Variants in MAML3 observed in about 807,000 individuals in gnomAD.
MAML3 encodes mastermind like transcriptional coactivator 3.
MAML3 carries 27 observed loss-of-function variants against 101.9 expected under a neutral mutation model. The observed-to-expected ratio is 0.27, with a 90% CI of 0.20 to 0.37. The LOEUF (loss-of-function observed/expected upper bound fraction) is 0.37. Among genes scored for constraint, MAML3 ranks in the 10% least tolerant of loss-of-function variants. MAML3 has a pLI of 1.00. For synonymous variants in MAML3, 501 were observed against 555.9 expected, an observed-to-expected ratio of 0.90 and a Z score of 1.39; for missense variants, 1,316 against 1,444.9, an observed-to-expected ratio of 0.91 and a Z score of 1.45.
chr4:139,720,930 C>T (rs1320018476), intron 4 of MAML3, among the ~76,000 whole-genome samples: 1 of 152,110 alleles, frequency 6.6e-6, no homozygotes, highest in Non-Finnish European at 1.5e-5. Flanking sequence ...GGTTAAAGGC[C>T]ACTGCTTCTG....
intron 1 of MAML3, among the ~76,000 whole-genome samples, chr4:140,136,817 CA>C (rs1216121051): frequency 6.6e-6 from 1 of 152,146 alleles, no homozygotes; most frequent in Admixed American, 6.5e-5. Context: ...AAAGATTCCT[CA>C]AAAAATGATA....
chr4:140,120,119 C>G (rs1049024370), intron 1 of MAML3, among the ~76,000 whole-genome samples: 1 of 151,776 alleles, frequency 6.6e-6, no homozygotes, highest in East Asian at 2.0e-4. Flanking sequence ...CGCCTGTAGT[C>G]CCAGCTACTC....
chr4:139,736,430 C>T (rs575826352), intron 2 of MAML3, among the ~76,000 whole-genome samples: 1 of 152,188 alleles, frequency 6.6e-6, no homozygotes, highest in African/African-American at 2.4e-5. Context: ...GATGGCTAGA[C>T]AGAGGCGCCT....
intron 1 of MAML3, among the ~76,000 whole-genome samples, chr4:140,112,865 T>C (rs1420312250): frequency 2.0e-5 from 3 of 152,240 alleles, no homozygotes; most frequent in African/African-American, 7.2e-5. Flanking sequence ...AGAGAAAATA[T>C]TGCTATTTGT....
At chr4:139,830,657 G>A (rs983080874) in intron 2 of MAML3, among the ~76,000 whole-genome samples, 26 of 151,782 alleles carry the variant, frequency 1.7e-4, no homozygotes, top group Non-Finnish European at 3.7e-4. Context: ...CTCGTGATCC[G>A]CCCGCCTCGG....
chr4:139,866,771 C>T (rs1268138987), intron 2 of MAML3, among the ~76,000 whole-genome samples: 3 of 152,100 alleles, frequency 2.0e-5, no homozygotes, highest in African/African-American at 7.2e-5. Flanking sequence ...CAGTTTGACG[C>T]TAATGATTTG....
At chr4:140,118,309 C>A (rs564475626) in intron 1 of MAML3, among the ~76,000 whole-genome samples, 74 of 152,138 alleles carry the variant, frequency 4.9e-4, no homozygotes, top group African/African-American at 1.7e-3. Context: ...AGCCTCTCTG[C>A]GCCTCAGTTT....
At chr4:140,147,038 C>A (rs1344392515) in intron 1 of MAML3, among the ~76,000 whole-genome samples, 5 of 146,060 alleles carry the variant, frequency 3.4e-5, no homozygotes, top group Admixed American at 7.2e-5. Flanking sequence ...GAGGCTGAGG[C>A]AGGGGAATCA....
rs1729216437 is a variant in MAML3, at chr4:140,153,486, G to A, written c.-159C>T. ...ATCCCGACGGGGCGAAAAAAACGGG[G>A]GGGGAGATTTTGGGGTGGTTTTTGT... is the stretch of plus-strand genomic sequence containing the variant. On this transcript the variant is annotated 5_prime_UTR_variant, in exon 1 of 5. Coordinates refer to ENST00000509479, the MANE Select transcript of MAML3 (RefSeq NM_018717.5). The A allele has an allele frequency of 2.2e-5, 18 of 809,574 alleles. No individual in the cohort carries two copies. The South Asian group carries it at 3.7e-4, about 17-fold the overall frequency. The allele number at this position is 809,574 out of a possible 1,614,324, so 50.1% of individuals were successfully genotyped here.
chr4:139,725,507 T>C (rs1445468245), intron 4 of MAML3, among the ~76,000 whole-genome samples: 6 of 152,216 alleles, frequency 3.9e-5, no homozygotes, highest in Non-Finnish European at 8.8e-5. Flanking sequence ...ACAGCTACCC[T>C]GACCCTTCCC....
intron 2 of MAML3, among the ~76,000 whole-genome samples, chr4:139,793,692 G>A (rs1359336542): frequency 6.6e-6 from 1 of 152,166 alleles, no homozygotes; most frequent in African/African-American, 2.4e-5. Context: ...GATTTTCACT[G>A]CTTTCTATCA....
intron 1 of MAML3, among the ~76,000 whole-genome samples, chr4:139,963,048 T>A (rs1734051752): frequency 6.6e-6 from 1 of 152,166 alleles, no homozygotes; most frequent in East Asian, 1.9e-4. Context: ...TCTTTTAACA[T>A]CCCTGGAAGA....
intron 2 of MAML3, among the ~76,000 whole-genome samples, chr4:139,870,669 T>A (rs1428021513): frequency 6.6e-6 from 1 of 152,042 alleles, no homozygotes; most frequent in Non-Finnish European, 1.5e-5. Context: ...TTGGACAGGG[T>A]CTCACTCTGT....
At chr4:140,002,223 C>G (rs1231878174) in intron 1 of MAML3, among the ~76,000 whole-genome samples, 1 of 152,152 alleles carries the variant, frequency 6.6e-6, no homozygotes, top group Non-Finnish European at 1.5e-5. Context: ...CCACCATACT[C>G]CCAACTCCTG....
Position 139,761,120 on chromosome 4 carries a change from G to A in MAML3, c.2080-30453C>T, listed in dbSNP as rs531792127. 4.6e-5 allele frequency among the ~76,000 whole-genome samples: 7 copies of A among 152,160 alleles called. No individual in the cohort carries two copies. In the South Asian group the frequency reaches 1.5e-3, roughly 32 times the overall value. On this transcript the variant is annotated intron_variant, in intron 2 of 4. Transcript: ENST00000509479. ...ATTACAGGCACGCATCACCACACCTGGCAAATTTTTGTATTTTTTAGTAGA... is the reference window on the plus strand; with the variant it reads ...ATTACAGGCACGCATCACCACACCTAGCAAATTTTTGTATTTTTTAGTAGA...
At position 140,138,447 on chromosome 4, in the gene MAML3, G is replaced by A. The variant is rs76736913; in HGVS notation, c.468+14413C>T. ...CATTTAGCCATAACAACTTCTAAAC[G>A]GAGAAAGTTGCTTCTTTATATAAAC... On this transcript the variant is annotated intron_variant, in intron 1 of 4. Transcript: ENST00000509479. Among the ~76,000 whole-genome samples, 479 of 152,184 alleles carry A rather than the reference G, an allele frequency of 3.1e-3. 2 individuals are homozygous for A. The highest frequency in any genetic ancestry group is 0.012 in the East Asian group (62 of 5,186).
chr4:139,835,058 A>C (rs2111138192), intron 2 of MAML3, among the ~76,000 whole-genome samples: 1 of 152,382 alleles, frequency 6.6e-6, no homozygotes, highest in Non-Finnish European at 1.5e-5. Context: ...GGAGAGGGGA[A>C]CAAGACAAGG....
intron 2 of MAML3, among the ~76,000 whole-genome samples, chr4:139,779,958 T>C (rs576370188): frequency 2.0e-5 from 3 of 152,248 alleles, no homozygotes; most frequent in Admixed American, 6.5e-5. Context: ...GTAAGTGCTG[T>C]TCTCTGTCAG....
At chr4:140,055,902 C>T (rs1356805062) in intron 1 of MAML3, among the ~76,000 whole-genome samples, 1 of 150,354 alleles carries the variant, frequency 6.7e-6, no homozygotes. Context: ...GCTTGCAGTA[C>T]CTATAAAAGA....
Sources: allele counts gnomAD v4.1 joint callset (sites outside exome capture counted in the v4.1 genomes callset), GRCh38; gene constraint gnomAD v4.1.1; transcripts MANE v1.5; gene names NCBI Gene and HGNC (gene_info 2026-07-23, HGNC 2026-07-21).